The following PIBF1 variants were observed in gnomAD, a reference collection of about 807,000 sequenced individuals.
The protein encoded by PIBF1 is progesterone immunomodulatory binding factor 1.
Under a neutral mutation model 112.5 loss-of-function variants are expected in PIBF1, and 90 were observed. The observed-to-expected ratio is 0.80, with a 90% CI of 0.67 to 0.95. The LOEUF is 0.95. PIBF1 is among the 40% of genes least tolerant of loss of function. The pLI is 0.00. For missense variants in PIBF1, 915 were observed against 852.3 expected (o/e 1.07, Z -0.92); for synonymous variants, 301 against 288.6 (o/e 1.04, Z -0.44).
chr13:72,923,208 T>C (rs1454937792), intron 13 of PIBF1, among the ~76,000 whole-genome samples: 1 of 152,230 alleles, frequency 6.6e-6, no homozygotes, highest in Non-Finnish European at 1.5e-5. Context: ...CATTGTGCTT[T>C]GATATCTCAG....
chr13:73,013,539 C>G (rs1250500849), intron 17 of PIBF1, among the ~76,000 whole-genome samples: 4 of 151,292 alleles, frequency 2.6e-5, no homozygotes, highest in Admixed American at 6.6e-5. Flanking sequence ...AGACAAAATC[C>G]TAGCCTGGGC....
At chr13:72,817,795 T>G (rs965030512) in intron 5 of PIBF1, among the ~76,000 whole-genome samples, 10 of 152,170 alleles carry the variant, frequency 6.6e-5, no homozygotes, top group African/African-American at 2.4e-4. Context: ...TTAACAATGG[T>G]TCTACATAGT....
At chr13:72,792,671 A>G (rs1280300485) in intron 3 of PIBF1, 124 bp downstream of exon 3, 1 of 569,222 alleles carries the variant, frequency 1.8e-6, no homozygotes, top group African/African-American at 1.9e-5. Context: ...GATAGCAATA[A>G]TTTTTACACC....
Position 72,988,875 on chromosome 13 carries a change from A to C in PIBF1, c.2050-9947A>C, listed in dbSNP as rs139059458. 8.5e-3 allele frequency among the ~76,000 whole-genome samples: 1,295 copies of C among 152,086 alleles called. 65 individuals are homozygous for C. The highest frequency in any genetic ancestry group is 9.5e-3 in the East Asian group (49 of 5,154). ...AACATGGTGAAACCCTGTCTCTACTAAAAATACAAAAAATTAGCCAGAAGT... is the reference window on the plus strand; with the variant it reads ...AACATGGTGAAACCCTGTCTCTACTCAAAATACAAAAAATTAGCCAGAAGT... On this transcript the variant is annotated intron_variant, in intron 16 of 17. Coordinates refer to ENST00000326291, the MANE Select transcript of PIBF1 (RefSeq NM_006346.4).
chr13:72,987,854 AT>A (rs1287996992), intron 16 of PIBF1, among the ~76,000 whole-genome samples: 2 of 58,668 alleles, frequency 3.4e-5, no homozygotes, highest in Non-Finnish European at 5.9e-5. Context: ...TTATTTATTT[AT>A]TTATTTTTTT....
intron 13 of PIBF1, among the ~76,000 whole-genome samples, chr13:72,928,391 C>T (rs1379168068): frequency 6.6e-6 from 1 of 151,906 alleles, no homozygotes; most frequent in East Asian, 1.9e-4. Context: ...AGGGAAATTC[C>T]TTTTTGAAGA....
In PIBF1 at chr13:72,811,487, T is replaced by G. The variant is rs547211177; in HGVS notation, c.673-10362T>G. On this transcript the variant is annotated intron_variant, in intron 5 of 17. Coordinates refer to ENST00000326291, the MANE Select transcript of PIBF1 (RefSeq NM_006346.4). ...GGTAGGCACCTGTAATCCCAGCTACTTGGGAGGCTGAGGCAGGAGAATCAC... is the reference window on the plus strand; with the variant it reads ...GGTAGGCACCTGTAATCCCAGCTACGTGGGAGGCTGAGGCAGGAGAATCAC... Among the ~76,000 whole-genome samples the G allele has an allele frequency of 4.2e-3, 637 of 151,764 alleles. 4 individuals carry two copies. Among genetic ancestry groups the G allele is most frequent in the Non-Finnish European group, 6.8e-3 (464 of 67,950 alleles).
chr13:72,918,839 G>A (rs538755250), intron 13 of PIBF1, among the ~76,000 whole-genome samples: 91 of 151,820 alleles, frequency 6.0e-4, no homozygotes, highest in Non-Finnish European at 2.2e-4. Flanking sequence ...GAGTAGCTGG[G>A]ATTACAGGCA....
At chr13:73,011,694 T>C (rs2044208758) in intron 17 of PIBF1, among the ~76,000 whole-genome samples, 1 of 152,114 alleles carries the variant, frequency 6.6e-6, no homozygotes, top group African/African-American at 2.4e-5. Context: ...CATAGGACCA[T>C]AGGATGACTT....
At chr13:72,836,334 T>G (rs1190602644) in intron 9 of PIBF1, among the ~76,000 whole-genome samples, 1 of 152,160 alleles carries the variant, frequency 6.6e-6, no homozygotes, top group East Asian at 1.9e-4. Flanking sequence ...CAGCACTGAT[T>G]TGCTTATATG....
At chr13:72,864,217 T>C (rs1594079820) in intron 10 of PIBF1, among the ~76,000 whole-genome samples, 3 of 152,216 alleles carry the variant, frequency 2.0e-5, no homozygotes, top group Admixed American at 2.0e-4. Flanking sequence ...GGTTCATTCA[T>C]CTTACAGACC....
chr13:72,833,158 G>A (rs2037198956), intron 8 of PIBF1, among the ~76,000 whole-genome samples: 1 of 152,138 alleles, frequency 6.6e-6, no homozygotes, highest in Non-Finnish European at 1.5e-5. Context: ...ATTCTAGTTA[G>A]CAATTTGTCT....
Position 72,821,988 on chromosome 13 carries a change from T to C in PIBF1, c.806+6T>C. 6.2e-7 allele frequency: 1 copy of C among 1,605,146 alleles called. No individual in the cohort carries two copies. The highest frequency in any genetic ancestry group is 8.5e-7 in the Non-Finnish European group (1 of 1,176,274). The stretch of plus-strand genomic sequence containing the variant: ...AACTATGATAAAGTCAAGAGGTAAG[T>C]AGTTAAAATGGCTGCAGTAGTAGTT... On this transcript the variant is annotated splice_donor_region_variant and intron_variant, in intron 6 of 17. Coordinates refer to ENST00000326291, the MANE Select transcript of PIBF1 (RefSeq NM_006346.4).
intron 14 of PIBF1, among the ~76,000 whole-genome samples, chr13:72,933,267 T>C (rs1314488804): frequency 1.3e-5 from 2 of 152,270 alleles, no homozygotes; most frequent in African/African-American, 2.4e-5. Context: ...CTGGATGCAG[T>C]GGCTCATGCC....
At chr13:72,796,718 A>G (rs1275712965) in intron 4 of PIBF1, among the ~76,000 whole-genome samples, 5 of 151,898 alleles carry the variant, frequency 3.3e-5, no homozygotes, top group Non-Finnish European at 5.9e-5. Context: ...AAAACAAATT[A>G]AATATCTCAA....
intron 5 of PIBF1, among the ~76,000 whole-genome samples, chr13:72,808,281 A>G (rs1216036359): frequency 6.6e-6 from 1 of 152,124 alleles, no homozygotes; most frequent in Admixed American, 6.5e-5. Flanking sequence ...CACCACTGAG[A>G]ATTGTTAAAA....
intron 10 of PIBF1, among the ~76,000 whole-genome samples, chr13:72,856,082 C>T (rs180880936): frequency 6.6e-6 from 1 of 152,230 alleles, no homozygotes; most frequent in Admixed American, 6.5e-5. Flanking sequence ...TCTTATCCTA[C>T]TTGTATGTAC....
intron 16 of PIBF1, among the ~76,000 whole-genome samples, chr13:72,988,241 AATT>A (rs1201279169): frequency 6.6e-6 from 1 of 152,058 alleles, no homozygotes; most frequent in African/African-American, 2.4e-5. Flanking sequence ...GTGTGAATTA[AATT>A]ATTATGTAAG....
intron 10 of PIBF1, among the ~76,000 whole-genome samples, chr13:72,883,723 A>G (rs2039733944): frequency 6.6e-6 from 1 of 152,168 alleles, no homozygotes; most frequent in African/African-American, 2.4e-5. Context: ...CCTGACCTCA[A>G]ATAATCCGCC....
Sources: allele counts gnomAD v4.1 joint callset (sites outside exome capture counted in the v4.1 genomes callset), GRCh38; gene constraint gnomAD v4.1.1; transcripts MANE v1.5; gene names NCBI Gene and HGNC (gene_info 2026-07-23, HGNC 2026-07-21).